DNAH3: variants seen among roughly 807,000 people sequenced by gnomAD.
DNAH3 encodes the protein dynein axonemal heavy chain 3, also known as axonemal beta dynein heavy chain 3.
Under a neutral mutation model 432.5 loss-of-function variants are expected in DNAH3, and 332 were observed. The ratio of observed to expected loss-of-function variants is 0.77; its 90% CI spans 0.70 to 0.84. The LOEUF is 0.84. Ranked by LOEUF, DNAH3 falls within the 40% of genes least tolerant of loss-of-function variation. DNAH3 has a pLI of 0.00. For synonymous variants in DNAH3, 1,956 were observed against 1,900.2 expected (o/e 1.03, Z -0.76); for missense variants, 4,861 against 5,114.0 (o/e 0.95, Z 1.51).
intron 31 of DNAH3, among the ~76,000 whole-genome samples, chr16:21,045,958 G>C (rs1256149022): frequency 6.6e-6 from 1 of 150,670 alleles, no homozygotes; most frequent in Non-Finnish European, 1.5e-5. Context: ...GGAGCAGGTT[G>C]TTCAGTTTCC....
Position 21,024,608 on chromosome 16 carries a change from C to T in DNAH3, c.5634G>A (p.Glu1878=), listed in dbSNP as rs769753563. The stretch of plus-strand genomic sequence containing the variant: ...CTGAGGGGCTCACCAATTCTTTGTG[C>T]TCCTTGGTGAGACTGGAGGGCAGGG... Residue 1878 remains glutamate (E), a synonymous_variant, in exon 39 of 62, where the codon GAG becomes GAA. Coordinates refer to ENST00000261383, the Ensembl canonical transcript of DNAH3. The T allele has an allele frequency of 2.5e-6, 4 of 1,608,182 alleles. No homozygotes were observed. The African/African-American group carries it at 4.0e-5, about 16-fold the overall frequency.
At chr16:21,122,958 T>C (rs1302447059) in intron 9 of DNAH3, among the ~76,000 whole-genome samples, 1 of 152,112 alleles carries the variant, frequency 6.6e-6, no homozygotes, top group Non-Finnish European at 1.5e-5. Context: ...AGCCTAGTAT[T>C]TTTTTCTTTC....
At chr16:21,018,060 G>A (rs1040560557) in intron 41 of DNAH3, among the ~76,000 whole-genome samples, 50 of 151,664 alleles carry the variant, frequency 3.3e-4, no homozygotes, top group African/African-American at 9.2e-4. Flanking sequence ...ATACTTTGGC[G>A]TGCTTCTTAT....
intron 22 of DNAH3, 77 bp from the exon 23 acceptor site, chr16:21,069,671 TG>T (rs1244930270): frequency 1.6e-6 from 2 of 1,233,814 alleles, no homozygotes; most frequent in East Asian, 4.7e-5. Context: ...AGCAAATGGA[TG>T]GAGCCGTACA....
intron 44 of DNAH3, among the ~76,000 whole-genome samples, chr16:20,990,074 C>T (rs1048820653): frequency 9.9e-5 from 15 of 152,232 alleles, no homozygotes; most frequent in Admixed American, 8.5e-4. Flanking sequence ...TTGCCCAGCC[C>T]AGAAAGGGGC....
intron 2 of DNAH3, 78 bp downstream of exon 3, chr16:21,145,906 G>T: frequency 1.1e-6 from 1 of 951,998 alleles, no homozygotes; most frequent in Non-Finnish European, 1.7e-6. Flanking sequence ...TTGAGTACCT[G>T]CCAAATACGG....
chr16:21,029,923 A>G (rs2152722617), intron 37 of DNAH3, among the ~76,000 whole-genome samples: 1 of 152,232 alleles, frequency 6.6e-6, no homozygotes, highest in East Asian at 1.9e-4. Context: ...TTCCAGACTC[A>G]AGGGATCCTC....
At chr16:21,148,828 G>T (rs2092818632) in intron 1 of DNAH3, among the ~76,000 whole-genome samples, 1 of 152,080 alleles carries the variant, frequency 6.6e-6, no homozygotes. Flanking sequence ...TGCAGAATGG[G>T]GCTAAAAGAG....
exon 53 of DNAH3, chr16:20,963,587 G>T: frequency 6.2e-7 from 1 of 1,614,070 alleles, no homozygotes; most frequent in Admixed American, 1.7e-5. Flanking sequence ...ATCAGGCCAT[G>T]CAGTTTGGGT....
chr16:20,978,526 C>T (rs945307065), intron 50 of DNAH3, among the ~76,000 whole-genome samples: 13 of 151,940 alleles, frequency 8.6e-5, no homozygotes, highest in African/African-American at 2.4e-4. Flanking sequence ...GATTGCGTCT[C>T]GAAAGAAATA....
chr16:21,008,064 G>T (rs1374254446), intron 41 of DNAH3, among the ~76,000 whole-genome samples: 1 of 152,044 alleles, frequency 6.6e-6, no homozygotes, highest in Non-Finnish European at 1.5e-5. Context: ...CTATATTTCT[G>T]TTCTTTTGCC....
intron 7 of DNAH3, among the ~76,000 whole-genome samples, chr16:21,129,610 G>A (rs1462864811): frequency 6.6e-6 from 1 of 151,584 alleles, no homozygotes; most frequent in East Asian, 1.9e-4. Context: ...GGTGGCGGGT[G>A]TCTGTAATCC....
chr16:21,065,731 T>C (rs2090520406), intron 24 of DNAH3, among the ~76,000 whole-genome samples: 1 of 152,232 alleles, frequency 6.6e-6, no homozygotes, highest in Admixed American at 6.5e-5. Context: ...AGGGCTACTA[T>C]ATTGGACAGT....
intron 14 of DNAH3, among the ~76,000 whole-genome samples, chr16:21,109,201 T>G (rs2092015350): frequency 6.6e-6 from 1 of 152,002 alleles, no homozygotes; most frequent in Admixed American, 6.6e-5. Flanking sequence ...CCAGCTATTC[T>G]GGCTCCAAAA....
chr16:20,972,152 C>A (rs772275341), intron 51 of DNAH3, among the ~76,000 whole-genome samples: 116 of 152,118 alleles, frequency 7.6e-4, no homozygotes, highest in Middle Eastern at 6.8e-3. Flanking sequence ...AGGGCAGCTC[C>A]GATGTTGCCA....
intron 9 of DNAH3, among the ~76,000 whole-genome samples, chr16:21,124,453 T>G (rs2092405174): frequency 6.6e-6 from 1 of 152,216 alleles, no homozygotes; most frequent in African/African-American, 2.4e-5. Context: ...TTGCCATGTA[T>G]TTAAGGAAAT....
intron 14 of DNAH3, among the ~76,000 whole-genome samples, chr16:21,109,781 C>T (rs1318002825): frequency 6.6e-6 from 1 of 151,298 alleles, no homozygotes; most frequent in Non-Finnish European, 1.5e-5. Flanking sequence ...TTCTGATGCA[C>T]AGGCTGGAGT....
chr16:20,975,008 T>A (rs1343517830), intron 51 of DNAH3, among the ~76,000 whole-genome samples: 5 of 118,382 alleles, frequency 4.2e-5, no homozygotes, highest in South Asian at 2.9e-4. Context: ...TTTTTTTTTT[T>A]AAAGTAGAGA....
In DNAH3 at chr16:21,121,941, A is replaced by G. The variant is rs373620739; in HGVS notation, c.1584+4T>C. On this transcript the variant is annotated splice_donor_region_variant and intron_variant, in intron 10 of 61. Transcript: ENST00000261383. Reference sequence around the variant, plus strand: ...GCAAATGAATGATTAAGTGACTACTATACCTTGGGGATCCCATTAGAGTTC... The same window carrying G: ...GCAAATGAATGATTAAGTGACTACTGTACCTTGGGGATCCCATTAGAGTTC... 87 of 1,605,962 alleles carry G rather than the reference A, an allele frequency of 5.4e-5. No homozygotes were observed. The highest frequency in any genetic ancestry group is 6.3e-5 in the Non-Finnish European group (74 of 1,176,306).
Sources: gnomAD v4.1 joint callset for allele counts (sites outside exome capture counted in the v4.1 genomes callset) on GRCh38, gnomAD v4.1.1 for gene constraint, MANE v1.5 for transcripts, NCBI Gene and HGNC (gene_info 2026-07-23, HGNC 2026-07-21) for gene names.